Variants in MYO1H observed in about 807,000 individuals in gnomAD.
MYO1H encodes unconventional myosin-Ih.
Under a neutral mutation model 149.3 loss-of-function variants are expected in MYO1H, and 118 were observed. That is an observed-to-expected ratio of 0.79 (90% CI 0.68 to 0.92). The LOEUF is 0.92. Among genes scored for constraint, MYO1H ranks in the 40% least tolerant of loss-of-function variants. The pLI, the probability that MYO1H is intolerant of heterozygous loss-of-function variation, is 0.00. For missense variants in MYO1H, 1,212 were observed against 1,280.7 expected (o/e 0.95, Z 0.82); for synonymous variants, 447 against 465.2 (o/e 0.96, Z 0.50).
At chr12:109,365,384 T>C (rs1868845828) in intron 1 of MYO1H, among the ~76,000 whole-genome samples, 1 of 152,154 alleles carries the variant, frequency 6.6e-6, no homozygotes, top group Non-Finnish European at 1.5e-5. Flanking sequence ...AAACTGAAAA[T>C]ACTTCCCAGG....
At chr12:109,411,925 C>T in exon 14 of MYO1H, 1 of 1,607,274 alleles carries the variant, frequency 6.2e-7, no homozygotes, top group Non-Finnish European at 8.5e-7. Flanking sequence ...GGTCCTGCTA[C>T]AGACTTGAGT....
intron 1 of MYO1H, among the ~76,000 whole-genome samples, chr12:109,384,659 G>A (rs1052898046): frequency 6.6e-6 from 1 of 152,200 alleles, no homozygotes; most frequent in Non-Finnish European, 1.5e-5. Flanking sequence ...GAAGTGAATG[G>A]AGTCTGCTTT....
chr12:109,381,757 C>T (rs1159901465), intron 1 of MYO1H, among the ~76,000 whole-genome samples: 1 of 152,058 alleles, frequency 6.6e-6, no homozygotes, highest in Non-Finnish European at 1.5e-5. Flanking sequence ...ACCCAGAAGG[C>T]GGAGGTTGCA....
the MYO1H span, among the ~76,000 whole-genome samples, chr12:109,318,972 GTTTTTTTTT>G: frequency 3.6e-3 from 281 of 77,272 alleles, 5 homozygotes; most frequent in African/African-American, 0.012. Flanking sequence ...TTTTGGTTTT[GTTTTTTTTT>G]TTTTTTTTTT....
rs537705294 is a variant in MYO1H, at chr12:109,368,965, C to T, written c.13-19718C>T. Among the ~76,000 whole-genome samples, 168 of 152,040 alleles carry T rather than the reference C, an allele frequency of 1.1e-3. 1 individual carries two copies. Among genetic ancestry groups the T allele is most frequent in the African/African-American group, 3.4e-3 (142 of 41,384 alleles). On this transcript the variant is annotated intron_variant, in intron 1 of 31. Coordinates refer to ENST00000310903, the Ensembl canonical transcript of MYO1H. ...TAGGGTAATGGCCGGTAGCTGCATCCATGTTGCTGCAAAGGACATGATTTC... is the reference window on the plus strand; with the variant it reads ...TAGGGTAATGGCCGGTAGCTGCATCTATGTTGCTGCAAAGGACATGATTTC...
At chr12:109,422,370 GAC>G (rs749307003) in intron 16 of MYO1H, among the ~76,000 whole-genome samples, 2 of 152,150 alleles carry the variant, frequency 1.3e-5, no homozygotes, top group Non-Finnish European at 2.9e-5. Context: ...GGATCCACCA[GAC>G]AGTCGCTCTC....
At chr12:109,318,975 T>TTTTTTTTTTTTTTTG in the MYO1H span, among the ~76,000 whole-genome samples, 3 of 99,662 alleles carry the variant, frequency 3.0e-5, 1 homozygote, top group African/African-American at 1.2e-4. Flanking sequence ...TGGTTTTGTT[T>TTTTTTTTTTTTTTTG]TTTTTTTTTT....
intron 5 of MYO1H, among the ~76,000 whole-genome samples, chr12:109,398,936 G>A (rs1870035330): frequency 1.3e-5 from 2 of 152,062 alleles, no homozygotes; most frequent in African/African-American, 4.8e-5. Flanking sequence ...CATGGACAAT[G>A]CGTAAGTGAA....
chr12:109,330,723 C>T, the MYO1H span, among the ~76,000 whole-genome samples: 1 of 152,144 alleles, frequency 6.6e-6, no homozygotes, highest in Non-Finnish European at 1.5e-5. Flanking sequence ...CGAAACACCA[C>T]CCAGTTTCAT....
chr12:109,393,272 TG>T, intron 2 of MYO1H, 58 bp from the exon 3 acceptor site: 1 of 992,902 alleles, frequency 1.0e-6, no homozygotes, highest in Middle Eastern at 2.0e-4. Flanking sequence ...GGGATCATCA[TG>T]TGTGACAGTC....
At chr12:109,367,952 C>T (rs189426520) in intron 1 of MYO1H, among the ~76,000 whole-genome samples, 51 of 152,290 alleles carry the variant, frequency 3.3e-4, no homozygotes, top group Non-Finnish European at 6.0e-4. Context: ...CTTCTGGGCT[C>T]ATATGATGCT....
intron 27 of MYO1H, among the ~76,000 whole-genome samples, chr12:109,443,108 A>ATG (rs1421743334): frequency 2.8e-5 from 2 of 71,052 alleles, no homozygotes; most frequent in Admixed American, 1.4e-4. Flanking sequence ...GTGTACGTAT[A>ATG]TGTGTGTATA....
intron 1 of MYO1H, among the ~76,000 whole-genome samples, chr12:109,355,072 C>T (rs1437115551): frequency 1.3e-5 from 2 of 152,138 alleles, no homozygotes; most frequent in Non-Finnish European, 2.9e-5. Context: ...CTGGCCTTGC[C>T]ATCCGCACAG....
At chr12:109,312,788 TTG>T in the MYO1H span, among the ~76,000 whole-genome samples, 1,964 of 95,036 alleles carry the variant, frequency 0.021, 47 homozygotes, top group African/African-American at 0.098. Flanking sequence ...TTGTTTTGTT[TTG>T]TTTTTTTTTT....
In MYO1H at chr12:109,444,210, A is replaced by T. The variant is rs765791526; in HGVS notation, c.2825-3A>T. 7 of 1,612,134 alleles carry T rather than the reference A, an allele frequency of 4.3e-6. No individual in the cohort carries two copies. In the South Asian group the frequency reaches 7.7e-5, roughly 18 times the overall value. ...TGGCTCCTAACTCTGGATCTGTCTT[A>T]AGGTGTCTCCACTAGCAATCTGAGT... On this transcript the variant is annotated splice_region_variant and splice_polypyrimidine_tract_variant and intron_variant, in intron 28 of 31. Transcript: ENST00000310903.
the MYO1H span, among the ~76,000 whole-genome samples, chr12:109,326,850 A>G: frequency 2.2e-4 from 33 of 152,122 alleles, no homozygotes; most frequent in East Asian, 4.5e-3. Context: ...GGAATGGGCA[A>G]GGTTTAGAAG....
At chr12:109,442,792 GCTC>G (rs1872198179) in intron 27 of MYO1H, among the ~76,000 whole-genome samples, 1 of 93,522 alleles carries the variant, frequency 1.1e-5, no homozygotes. Context: ...GCCAGTGTCT[GCTC>G]TTTTTTTTTT....
At chr12:109,362,435 C>T (rs559003885) in intron 1 of MYO1H, among the ~76,000 whole-genome samples, 10 of 152,186 alleles carry the variant, frequency 6.6e-5, no homozygotes, top group African/African-American at 1.9e-4. Flanking sequence ...TTTAACTTTG[C>T]AGGTTCATGA....
chr12:109,400,589 G>GA (rs1870121024), intron 5 of MYO1H, among the ~76,000 whole-genome samples: 1 of 152,156 alleles, frequency 6.6e-6, no homozygotes, highest in African/African-American at 2.4e-5. Context: ...ATATATTATT[G>GA]AAAATATTAA....
Sources: gnomAD v4.1 joint callset for allele counts (sites outside exome capture counted in the v4.1 genomes callset) on GRCh38, gnomAD v4.1.1 for gene constraint, MANE v1.5 for transcripts, NCBI Gene and HGNC (gene_info 2026-07-23, HGNC 2026-07-21) for gene names.